Variants in SNX24 observed in about 807,000 individuals in gnomAD.
SNX24 encodes the protein sorting nexin 24.
Under a neutral mutation model 28.7 loss-of-function variants are expected in SNX24, and 22 were observed. That is an observed-to-expected ratio of 0.77 (90% CI 0.55 to 1.10). The LOEUF (loss-of-function observed/expected upper bound fraction) is 1.10, where lower values mean the gene tolerates loss of function less well. SNX24 is among the 50% of genes least tolerant of loss of function. SNX24 has a pLI of 0.00. For synonymous variants in SNX24, 69 were observed against 71.5 expected (o/e 0.96, Z 0.18); for missense variants, 221 against 201.1 (o/e 1.10, Z -0.60).
rs1169543845 is a variant in SNX24, at chr5:122,845,644, A to G, written c.11A>G (p.Tyr4Cys). The G allele has an allele frequency of 4.2e-6, 6 of 1,430,358 alleles. No homozygotes were observed. Among genetic ancestry groups the G allele is most frequent in the Non-Finnish European group, 5.5e-6 (6 of 1,083,198 alleles). 88.6% of individuals were successfully genotyped at this position (1,430,358 alleles called of 1,614,324 possible). The change falls in exon 1 of 7, where the codon TAC becomes TGC. Residue 4 changes from tyrosine to cysteine, a missense_variant. Transcript: ENST00000261369. ...CTGGCCGGCGCGGCCATGGAGGTCT[A>G]CATCCCGTCCTTTCGCTATGAAGAG... MEV[Y>C]IPSFRYEESD... is the part of the protein sequence containing the mutation.
intron 4 of SNX24, among the ~76,000 whole-genome samples, chr5:123,001,161 A>G (rs984008368): frequency 1.3e-5 from 2 of 152,254 alleles, no homozygotes; most frequent in Non-Finnish European, 2.9e-5. Context: ...ATACAAGCCC[A>G]AAAGTAGTAA....
chr5:122,893,116 T>G (rs1372806968), intron 1 of SNX24, among the ~76,000 whole-genome samples: 1 of 151,890 alleles, frequency 6.6e-6, no homozygotes, highest in African/African-American at 2.4e-5. Context: ...GAGAAACTTC[T>G]CTCTTTCCTC....
At chr5:122,890,266 T>A (rs1049362530) in intron 1 of SNX24, among the ~76,000 whole-genome samples, 1 of 152,154 alleles carries the variant, frequency 6.6e-6, no homozygotes, top group Non-Finnish European at 1.5e-5. Context: ...TATGATGGTT[T>A]TTTTTCCTTT....
chr5:122,911,339 G>T (rs1226036186), intron 1 of SNX24, among the ~76,000 whole-genome samples: 1 of 152,098 alleles, frequency 6.6e-6, no homozygotes, highest in African/African-American at 2.4e-5. Flanking sequence ...TTGTAAATTT[G>T]TTTGAGTTCA....
chr5:122,884,387 GTGGAATGCGCCACCACCTC>G (rs982594623), intron 1 of SNX24, among the ~76,000 whole-genome samples: 1 of 151,120 alleles, frequency 6.6e-6, no homozygotes, highest in Non-Finnish European at 1.5e-5. Context: ...GAATAGTTGG[GTGGAATGCGCCACCACCTC>G]TGGCTAATTT....
At chr5:122,887,213 C>G (rs950356530) in intron 1 of SNX24, among the ~76,000 whole-genome samples, 1 of 152,160 alleles carries the variant, frequency 6.6e-6, no homozygotes, top group Non-Finnish European at 1.5e-5. Flanking sequence ...ATTCACAAGT[C>G]TGAGTTGACA....
chr5:122,881,219 GA>G (rs2150060879), intron 1 of SNX24, among the ~76,000 whole-genome samples: 1 of 62,008 alleles, frequency 1.6e-5, no homozygotes, highest in African/African-American at 1.3e-4. Context: ...TATGTTTTAT[GA>G]TTTTTTTTAA....
chr5:122,891,030 G>T (rs151003432), intron 1 of SNX24: 3 of 1,498,732 alleles, frequency 2.0e-6, no homozygotes, highest in African/African-American at 2.8e-5. Flanking sequence ...CTCTCAGGTG[G>T]TAATAGTTTG....
At chr5:123,024,119 T>C in intron 5 of SNX24, 26 of 1,307,176 alleles carry the variant, frequency 2.0e-5, no homozygotes, top group Non-Finnish European at 2.6e-5. Flanking sequence ...GGTTGGTTGG[T>C]TGGTTGGTTT....
At chr5:122,923,329 A>G (rs919490980) in intron 1 of SNX24, among the ~76,000 whole-genome samples, 2 of 151,302 alleles carry the variant, frequency 1.3e-5, no homozygotes, top group Non-Finnish European at 2.9e-5. Flanking sequence ...ACAGAGTGAG[A>G]CCCCATCTCT....
intron 3 of SNX24, among the ~76,000 whole-genome samples, chr5:122,977,812 TAGAG>T (rs992298897): frequency 4.6e-5 from 7 of 152,344 alleles, no homozygotes; most frequent in Admixed American, 3.3e-4. Context: ...TAGCTGGAAA[TAGAG>T]AGTTCTATTG....
In SNX24 at chr5:123,008,087, C is replaced by A; in HGVS notation, c.*338C>A. 1 of 1,042,832 alleles carries A rather than the reference C, an allele frequency of 9.6e-7. No individual in the cohort carries two copies. 64.6% of individuals were successfully genotyped at this position (1,042,832 alleles called of 1,614,324 possible). A position where few individuals can be genotyped will look rare whatever the true frequency, so the allele number is the denominator to read the frequency against. Reference sequence around the variant, plus strand: ...CTCTCTGCTTCAGTCGCACCATTTGCTAATTGAAAATCATATCCTGAATCA... The same window carrying A: ...CTCTCTGCTTCAGTCGCACCATTTGATAATTGAAAATCATATCCTGAATCA... On this transcript the variant is annotated 3_prime_UTR_variant, in exon 7 of 7. Transcript: ENST00000261369.
intron 3 of SNX24, among the ~76,000 whole-genome samples, chr5:122,967,813 T>C (rs1760776914): frequency 6.6e-6 from 1 of 152,114 alleles, no homozygotes; most frequent in African/African-American, 2.4e-5. Flanking sequence ...GGAGTCCTGC[T>C]GGGAAACCAC....
intron 1 of SNX24, among the ~76,000 whole-genome samples, chr5:122,896,252 C>T (rs1757197023): frequency 6.6e-6 from 1 of 152,202 alleles, no homozygotes. Flanking sequence ...TTCCCTTTCC[C>T]CATTCCTATG....
intron 5 of SNX24, 150 bp from the exon 6 acceptor site, chr5:123,001,790 T>G (rs1762256441): frequency 1.5e-6 from 1 of 680,998 alleles, no homozygotes; most frequent in South Asian, 1.8e-5. Context: ...TGTTCACTCT[T>G]ACTCTGCGTG....
At chr5:122,857,754 G>A (rs1755268237) in intron 1 of SNX24, among the ~76,000 whole-genome samples, 1 of 152,052 alleles carries the variant, frequency 6.6e-6, no homozygotes, top group African/African-American at 2.4e-5. Flanking sequence ...TCTTTTTTAT[G>A]GCTGCATAAT....
chr5:122,948,583 A>AG (rs1759797667), intron 3 of SNX24: 1 of 152,286 alleles, frequency 6.6e-6, no homozygotes, highest in African/African-American at 2.4e-5. Flanking sequence ...TCAGCTCTTG[A>AG]GGGGGTCAGA....
intron 3 of SNX24, among the ~76,000 whole-genome samples, chr5:122,985,076 G>A (rs531494235): frequency 1.3e-5 from 2 of 152,280 alleles, no homozygotes; most frequent in African/African-American, 2.4e-5. Context: ...GAGCATTACT[G>A]TTCTGTTTGG....
At chr5:122,945,971 C>T (rs1759663067) in intron 2 of SNX24, 84 bp from the exon 3 acceptor site, 11 of 660,712 alleles carry the variant, frequency 1.7e-5, no homozygotes, top group African/African-American at 3.8e-5. Flanking sequence ...TTTTATTGGC[C>T]TTTTTTCCCC....
Sources: allele counts gnomAD v4.1 joint callset (sites outside exome capture counted in the v4.1 genomes callset), GRCh38; gene constraint gnomAD v4.1.1; transcripts MANE v1.5; gene names NCBI Gene and HGNC (gene_info 2026-07-23, HGNC 2026-07-21).